The following FLRT2 variants were observed in gnomAD, a reference collection of about 807,000 sequenced individuals.
The protein encoded by FLRT2 is leucine-rich repeat transmembrane protein FLRT2.
FLRT2 carries 15 observed loss-of-function variants against 40.0 expected under a neutral mutation model. The observed-to-expected ratio is 0.38, with a 90% confidence interval of 0.25 to 0.58. The LOEUF (loss-of-function observed/expected upper bound fraction) is 0.58, where lower values mean the gene tolerates loss of function less well. Ranked by LOEUF, FLRT2 falls within the 20% of genes least tolerant of loss-of-function variation. The pLI is 0.71. For synonymous variants in FLRT2, 380 were observed against 336.8 expected (o/e 1.13, Z -1.41); for missense variants, 726 against 840.0 (o/e 0.86, Z 1.68).
rs1293398451 is a variant in FLRT2, at chr14:85,654,413, A to G, written c.*30916A>G. The G allele has an allele frequency of 6.6e-6, 1 of 152,220 alleles. No homozygotes were observed. The highest frequency in any genetic ancestry group is 1.5e-5 in the Non-Finnish European group (1 of 68,038). 9.4% of individuals were successfully genotyped at this position (152,220 alleles called of 1,614,324 possible). A position where few individuals can be genotyped will look rare whatever the true frequency, so the allele number is the denominator to read the frequency against. On this transcript the variant is annotated 3_prime_UTR_variant, in exon 2 of 2. Transcript: ENST00000330753. ...GCATACTCTTAATAAAAAATGGTAT[A>G]ATACATTTAAGCAGATTTGCATCCT...
chr14:85,597,946 AT>A (rs1383627215), intron 1 of FLRT2, among the ~76,000 whole-genome samples: 4 of 152,150 alleles, frequency 2.6e-5, no homozygotes, highest in Non-Finnish European at 5.9e-5. Context: ...AAAGTGGTTT[AT>A]TTACAGTCAG....
rs368914099 is a variant in FLRT2 at position 85,550,299 on chromosome 14, C to T, written c.-377+19765C>T. The stretch of plus-strand genomic sequence containing the variant: ...TTTCTACTGGTGGAATTCTCAAGTA[C>T]GAGATTCTAAGAATGAGCATTTACT... On this transcript the variant is annotated intron_variant, in intron 1 of 1. Transcript: ENST00000330753. 9.9e-5 allele frequency among the ~76,000 whole-genome samples: 15 copies of T among 152,158 alleles called. No individual in the cohort carries two copies. The East Asian group carries it at 1.7e-3, about 18-fold the overall frequency.
intron 1 of FLRT2, among the ~76,000 whole-genome samples, chr14:85,570,566 TTTA>T (rs1890844313): frequency 2.3e-5 from 2 of 85,692 alleles, no homozygotes; most frequent in Non-Finnish European, 5.4e-5. Context: ...ATTTATTTTA[TTTA>T]TTTATTTATT....
At chr14:85,546,225 A>C (rs1266665773) in intron 1 of FLRT2, among the ~76,000 whole-genome samples, 2 of 152,196 alleles carry the variant, frequency 1.3e-5, no homozygotes, top group Non-Finnish European at 2.9e-5. Flanking sequence ...GGTTGTAATT[A>C]AGACCCTTCA....
chr14:85,572,236 C>T (rs1890923721), intron 1 of FLRT2, among the ~76,000 whole-genome samples: 2 of 152,138 alleles, frequency 1.3e-5, no homozygotes, highest in South Asian at 4.2e-4. Context: ...CAAGGCCAAT[C>T]TTAAGTGGCT....
rs1275469758 is a variant in FLRT2 at position 85,646,877 on chromosome 14, T to A, written c.*23380T>A. 4 of 152,122 alleles carry A rather than the reference T, an allele frequency of 2.6e-5. No individual in the cohort carries two copies. Among genetic ancestry groups the A allele is most frequent in the African/African-American group, 9.7e-5 (4 of 41,436 alleles). 9.4% of individuals were successfully genotyped at this position (152,122 alleles called of 1,614,324 possible). ...TCATCCTTCCTCTCTGATGGTATGG[T>A]TATGTGGACCAGAACTGAAGTTTAA... On this transcript the variant is annotated 3_prime_UTR_variant, in exon 2 of 2. Coordinates refer to ENST00000330753, the MANE Select transcript of FLRT2 (RefSeq NM_013231.6).
chr14:85,601,834 C>G (rs1892390558), intron 1 of FLRT2, among the ~76,000 whole-genome samples: 1 of 152,122 alleles, frequency 6.6e-6, no homozygotes, highest in Non-Finnish European at 1.5e-5. Flanking sequence ...AGAAAGAGTA[C>G]TAGCAGAAGG....
intron 1 of FLRT2, among the ~76,000 whole-genome samples, chr14:85,608,497 G>T (rs1216717701): frequency 6.6e-6 from 1 of 152,148 alleles, no homozygotes. Context: ...GCTTCCCAAA[G>T]TGCTAGGATT....
chr14:85,593,967 A>G (rs1420656542), intron 1 of FLRT2, among the ~76,000 whole-genome samples: 1 of 152,064 alleles, frequency 6.6e-6, no homozygotes, highest in Non-Finnish European at 1.5e-5. Context: ...GCTTGAATCC[A>G]GGAGGCAGAG....
intron 1 of FLRT2, among the ~76,000 whole-genome samples, chr14:85,539,555 A>G (rs1888862992): frequency 1.3e-5 from 2 of 152,034 alleles, no homozygotes; most frequent in African/African-American, 4.8e-5. Context: ...GGGGAAGGAA[A>G]AGAAAACCTA....
In FLRT2 at chr14:85,629,073, G is replaced by A. The variant is rs1322860702; in HGVS notation, c.*5576G>A. The A allele has an allele frequency of 6.6e-6, 1 of 152,050 alleles. No individual in the cohort carries two copies. Among genetic ancestry groups the A allele is most frequent in the Non-Finnish European group, 1.5e-5 (1 of 68,004 alleles). The allele number at this position is 152,050 out of a possible 1,614,324, so 9.4% of individuals were successfully genotyped here. A position where few individuals can be genotyped will look rare whatever the true frequency, so the allele number is the denominator to read the frequency against. On this transcript the variant is annotated 3_prime_UTR_variant, in exon 2 of 2. Coordinates refer to ENST00000330753, the MANE Select transcript of FLRT2 (RefSeq NM_013231.6). ...CAGCACTATGTTAGGGTCTTCCGGG[G>A]ATTCAGAGAAAAGTGTCTGTGAGCC...
At position 85,652,207 on chromosome 14, in the gene FLRT2, C is replaced by T. The variant is rs1299575374; in HGVS notation, c.*28710C>T. ...CAATTATAATTCTGTTTTTAATGACCTTATTAGCTCAGATGATGTTTTAAT... is the reference window on the plus strand; with the variant it reads ...CAATTATAATTCTGTTTTTAATGACTTTATTAGCTCAGATGATGTTTTAAT... On this transcript the variant is annotated 3_prime_UTR_variant, in exon 2 of 2. Coordinates refer to ENST00000330753, the MANE Select transcript of FLRT2 (RefSeq NM_013231.6). 10 of 151,944 alleles carry T rather than the reference C, an allele frequency of 6.6e-5. No individual in the cohort carries two copies. Among genetic ancestry groups the T allele is most frequent in the Admixed American group, 5.9e-4 (9 of 15,250 alleles). 9.4% of individuals were successfully genotyped at this position (151,944 alleles called of 1,614,324 possible).
In FLRT2 at chr14:85,641,120, C is replaced by G. The variant is rs1217443418; in HGVS notation, c.*17623C>G. ...CTGCGAAAACCCACGAAAGTGAAAACTAACAATAGAGAAGCCTTTTAAAAA... is the reference window on the plus strand; with the variant it reads ...CTGCGAAAACCCACGAAAGTGAAAAGTAACAATAGAGAAGCCTTTTAAAAA... On this transcript the variant is annotated 3_prime_UTR_variant, in exon 2 of 2. Transcript: ENST00000330753. 1 of 152,122 alleles carries G rather than the reference C, an allele frequency of 6.6e-6. No homozygotes were observed. The highest frequency in any genetic ancestry group is 2.4e-5 in the African/African-American group (1 of 41,418). The allele number at this position is 152,122 out of a possible 1,614,324, so 9.4% of individuals were successfully genotyped here. A position where few individuals can be genotyped will look rare whatever the true frequency, so the allele number is the denominator to read the frequency against.
intron 1 of FLRT2, among the ~76,000 whole-genome samples, chr14:85,609,797 C>G (rs1409711995): frequency 6.6e-6 from 1 of 152,192 alleles, no homozygotes; most frequent in Non-Finnish European, 1.5e-5. Context: ...GCCCAGGCAG[C>G]CTTCTAGAAA....
intron 1 of FLRT2, among the ~76,000 whole-genome samples, chr14:85,594,449 A>G (rs1240494938): frequency 6.6e-6 from 1 of 152,130 alleles, no homozygotes; most frequent in Admixed American, 6.5e-5. Context: ...TCATACCTGT[A>G]AGTCTCAACT....
At chr14:85,568,307 C>T (rs1037169050) in intron 1 of FLRT2, among the ~76,000 whole-genome samples, 10 of 151,956 alleles carry the variant, frequency 6.6e-5, no homozygotes, top group African/African-American at 2.2e-4. Context: ...TTCAGTGTCT[C>T]GCTGAATGGG....
At chr14:85,612,550 T>C (rs1892936053) in intron 1 of FLRT2, among the ~76,000 whole-genome samples, 1 of 152,004 alleles carries the variant, frequency 6.6e-6, no homozygotes, top group Non-Finnish European at 1.5e-5. Context: ...GTTCTTGGGG[T>C]GGGTTGGGGG....
Position 85,631,369 on chromosome 14 carries a change from A to G in FLRT2, c.*7872A>G, listed in dbSNP as rs1462370817. The G allele has an allele frequency of 2.6e-5, 4 of 152,038 alleles. No homozygotes were observed. Among genetic ancestry groups the G allele is most frequent in the African/African-American group, 9.7e-5 (4 of 41,438 alleles). 9.4% of individuals were successfully genotyped at this position (152,038 alleles called of 1,614,324 possible). On this transcript the variant is annotated 3_prime_UTR_variant, in exon 2 of 2. Coordinates refer to ENST00000330753, the MANE Select transcript of FLRT2 (RefSeq NM_013231.6). ...TAAAATACATTTATTTTTAGCACCTATATATTGTAATTTTTTGTGAGTCTG... is the reference window on the plus strand; with the variant it reads ...TAAAATACATTTATTTTTAGCACCTGTATATTGTAATTTTTTGTGAGTCTG...
chr14:85,591,844 T>A (rs1298029962), intron 1 of FLRT2, among the ~76,000 whole-genome samples: 1 of 152,214 alleles, frequency 6.6e-6, no homozygotes, highest in Non-Finnish European at 1.5e-5. Context: ...GTCTGGTGAA[T>A]ACATAGCATT....
Sources: gnomAD v4.1 joint callset for allele counts (sites outside exome capture counted in the v4.1 genomes callset) on GRCh38, gnomAD v4.1.1 for gene constraint, MANE v1.5 for transcripts, NCBI Gene and HGNC (gene_info 2026-07-23, HGNC 2026-07-21) for gene names.